AFAP1L2: variants seen among roughly 807,000 people sequenced by gnomAD.
AFAP1L2 encodes the protein actin filament-associated protein 1-like 2.
AFAP1L2 carries 46 observed loss-of-function variants against 99.3 expected under a neutral mutation model. The ratio of observed to expected loss-of-function variants is 0.46; its 90% confidence interval spans 0.37 to 0.59. AFAP1L2 has a LOEUF of 0.59. Ranked by LOEUF, AFAP1L2 falls within the 20% of genes least tolerant of loss-of-function variation. AFAP1L2 has a pLI of 0.00. For synonymous variants in AFAP1L2, 397 were observed against 419.1 expected (o/e 0.95, Z 0.64); for missense variants, 959 against 1,034.9 (o/e 0.93, Z 1.01).
chr10:114,383,377 G>A (rs2055988235), intron 1 of AFAP1L2, among the ~76,000 whole-genome samples: 1 of 152,024 alleles, frequency 6.6e-6, no homozygotes. Flanking sequence ...CACAAGAAGG[G>A]TGAAGGGAGG....
At chr10:114,284,243 A>G in the AFAP1L2 span, among the ~76,000 whole-genome samples, 1 of 152,244 alleles carries the variant, frequency 6.6e-6, no homozygotes, top group Non-Finnish European at 1.5e-5. Flanking sequence ...CCAAAAGTCA[A>G]TACTGTCATT....
intron 16 of AFAP1L2, among the ~76,000 whole-genome samples, chr10:114,298,379 A>G (rs1196547198): frequency 6.6e-6 from 1 of 152,174 alleles, no homozygotes; most frequent in African/African-American, 2.4e-5. Context: ...CTGTCTCAAA[A>G]AAAGAAAGCC....
chr10:114,289,536 C>CTCAGCCTGAGCCT, the AFAP1L2 span: 2 of 1,601,164 alleles, frequency 1.2e-6, no homozygotes, highest in Non-Finnish European at 1.7e-6. Context: ...ATGGCAGGCC[C>CTCAGCCTGAGCCT]TCAGCCTGAG....
At chr10:114,403,401 C>T (rs1199101818) in intron 1 of AFAP1L2, among the ~76,000 whole-genome samples, 1 of 152,170 alleles carries the variant, frequency 6.6e-6, no homozygotes, top group African/African-American at 2.4e-5. Flanking sequence ...CAGAGCCCTC[C>T]GGGAGTGAGA....
chr10:114,288,170 G>A, the AFAP1L2 span, among the ~76,000 whole-genome samples: 1 of 152,168 alleles, frequency 6.6e-6, no homozygotes, highest in Admixed American at 6.5e-5. Flanking sequence ...GAGGCCTTCT[G>A]GCTCATACTT....
chr10:114,363,858 A>C (rs1278055625), intron 1 of AFAP1L2, among the ~76,000 whole-genome samples: 2 of 152,228 alleles, frequency 1.3e-5, no homozygotes, highest in Admixed American at 1.3e-4. Flanking sequence ...TGTGAAATAT[A>C]GCATTATCCC....
At chr10:114,373,663 A>G (rs1161109457) in intron 1 of AFAP1L2, among the ~76,000 whole-genome samples, 1 of 152,034 alleles carries the variant, frequency 6.6e-6, no homozygotes, top group Non-Finnish European at 1.5e-5. Context: ...CAACAACAAA[A>G]CAAAACAAAA....
intron 1 of AFAP1L2, among the ~76,000 whole-genome samples, chr10:114,399,634 C>T (rs778878070): frequency 1.1e-4 from 17 of 152,126 alleles, no homozygotes; most frequent in Non-Finnish European, 2.5e-4. Flanking sequence ...CAGAGGGTGG[C>T]TCTGGGCTCG....
chr10:114,355,782 C>A (rs934530189), intron 1 of AFAP1L2, among the ~76,000 whole-genome samples: 1 of 151,894 alleles, frequency 6.6e-6, no homozygotes, highest in Non-Finnish European at 1.5e-5. Flanking sequence ...GACCAGCCTG[C>A]GCAACATGCA....
At chr10:114,364,080 T>G (rs982617942) in intron 1 of AFAP1L2, among the ~76,000 whole-genome samples, 2 of 152,226 alleles carry the variant, frequency 1.3e-5, no homozygotes, top group Non-Finnish European at 2.9e-5. Context: ...ATGTCACTAA[T>G]ATTTCATTCT....
chr10:114,365,200 G>A (rs954319993), intron 1 of AFAP1L2, among the ~76,000 whole-genome samples: 1 of 152,104 alleles, frequency 6.6e-6, no homozygotes, highest in Admixed American at 6.5e-5. Context: ...GAAGTGTCTA[G>A]GTATGGACAT....
intron 9 of AFAP1L2, 40 bp from the exon 10 acceptor site, chr10:114,307,949 G>GGT (rs780885739): frequency 2.2e-5 from 35 of 1,570,788 alleles, no homozygotes; most frequent in Non-Finnish European, 3.0e-5. Flanking sequence ...ATTGCACGTG[G>GGT]TCCACCCACG....
intron 1 of AFAP1L2, among the ~76,000 whole-genome samples, chr10:114,351,717 G>T (rs906452028): frequency 1.1e-4 from 16 of 152,226 alleles, no homozygotes; most frequent in Non-Finnish European, 1.5e-5. Context: ...CCTGGTGGCT[G>T]CTGGAAACTG....
chr10:114,391,369 G>A (rs1366625417), intron 1 of AFAP1L2, among the ~76,000 whole-genome samples: 1 of 152,092 alleles, frequency 6.6e-6, no homozygotes, highest in Non-Finnish European at 1.5e-5. Flanking sequence ...ACAGGTGTCT[G>A]CCACTATATC....
chr10:114,343,162 T>C (rs1282786228), intron 1 of AFAP1L2, among the ~76,000 whole-genome samples: 1 of 152,210 alleles, frequency 6.6e-6, no homozygotes, highest in East Asian at 1.9e-4. Context: ...AAGCATCTCC[T>C]CTACTTATCT....
intron 1 of AFAP1L2, among the ~76,000 whole-genome samples, chr10:114,368,185 C>T (rs775669277): frequency 2.8e-4 from 42 of 152,038 alleles, no homozygotes; most frequent in African/African-American, 7.5e-4. Context: ...GAGGACATTA[C>T]GCTAAGTAAA....
intron 1 of AFAP1L2, among the ~76,000 whole-genome samples, chr10:114,383,364 G>C (rs183568671): frequency 1.3e-5 from 2 of 152,058 alleles, no homozygotes; most frequent in East Asian, 1.9e-4. Flanking sequence ...GGAAGGGAGG[G>C]AACACAAGAA....
chr10:114,300,839 C>G (rs1416291242), intron 13 of AFAP1L2, 149 bp from the exon 14 acceptor site: 3 of 1,085,532 alleles, frequency 2.8e-6, no homozygotes, highest in African/African-American at 3.2e-5. Context: ...CTGGCTGAGT[C>G]CTAGATATGT....
intron 1 of AFAP1L2, among the ~76,000 whole-genome samples, chr10:114,356,814 T>C (rs1217719556): frequency 6.6e-6 from 1 of 152,180 alleles, no homozygotes; most frequent in African/African-American, 2.4e-5. Context: ...GAGAATTCCA[T>C]GGGAGCAGTG....
Sources: gnomAD v4.1 joint callset for allele counts (sites outside exome capture counted in the v4.1 genomes callset) on GRCh38, gnomAD v4.1.1 for gene constraint, MANE v1.5 for transcripts, NCBI Gene and HGNC (gene_info 2026-07-23, HGNC 2026-07-21) for gene names.